The following PPCS variants were observed in gnomAD, a reference collection of about 807,000 sequenced individuals.
PPCS encodes the protein phosphopantothenoylcysteine synthetase, also known as phosphopantothenate--cysteine ligase.
In PPCS, 17 loss-of-function variants were observed where a neutral mutation model predicts 24.6. The observed-to-expected ratio is 0.69, with a 90% CI of 0.47 to 1.04. PPCS has a LOEUF of 1.04. Among genes scored for constraint, PPCS ranks in the 50% least tolerant of loss-of-function variants. The probability of loss-of-function intolerance (pLI) is 0.00; values close to 1 mark genes in which losing one functional copy is unlikely to be tolerated. For synonymous variants in PPCS, 190 were observed against 168.3 expected, an observed-to-expected ratio of 1.13 and a Z score of -1.00; for missense variants, 360 against 402.8, an observed-to-expected ratio of 0.89 and a Z score of 0.91.
downstream of PPCS, among the ~76,000 whole-genome samples, chr1:42,465,273 T>G (rs897725911): frequency 1.3e-5 from 2 of 152,192 alleles, no homozygotes; most frequent in East Asian, 3.9e-4. Flanking sequence ...ATCGCACCAC[T>G]GCGCTCCAAC....
At chr1:42,465,428 G>A (rs557925554), downstream of PPCS, among the ~76,000 whole-genome samples, 112 of 152,126 alleles carry the variant, frequency 7.4e-4, no homozygotes, top group Non-Finnish European at 1.4e-3. Flanking sequence ...GCAATGGCGC[G>A]ATCTTGGCCC....
At chr1:42,469,599 A>G (rs1374397990) in intron 2 of PPCS, among the ~76,000 whole-genome samples, 2 of 152,172 alleles carry the variant, frequency 1.3e-5, no homozygotes, top group Non-Finnish European at 2.9e-5. Context: ...GAACATACAG[A>G]AAAGAAAATG....
Position 42,456,582 on chromosome 1 carries a change from C to A in PPCS, c.17C>A (p.Pro6Gln). ...GCGCTGCAGATGGCGGAAATGGATC[C>A]GGTAGCCGAGTTCCCCCAGCCTCCC... The part of the protein sequence containing the change: MAEMD[P>Q]VAEFPQPPGA... The change falls in exon 1 of 3, where the codon CCG becomes CAG. Residue 6 changes from proline (P) to glutamine (Q), a missense_variant. Transcript: ENST00000372561. 2.0e-6 allele frequency: 3 copies of A among 1,492,344 alleles called. No homozygotes were observed. Among genetic ancestry groups the A allele is most frequent in the Non-Finnish European group, 2.7e-6 (3 of 1,122,870 alleles). The allele number at this position is 1,492,344 out of a possible 1,614,324, so 92.4% of individuals were successfully genotyped here.
At position 42,460,445 on chromosome 1, in the gene PPCS, A is replaced by G; in HGVS notation, c.*519A>G. The G allele has an allele frequency of 1.1e-6, 1 of 930,380 alleles. No individual in the cohort carries two copies. The highest frequency in any genetic ancestry group is 1.3e-6 in the Non-Finnish European group (1 of 779,340). The allele number at this position is 930,380 out of a possible 1,614,324, so 57.6% of individuals were successfully genotyped here. ...TTGTTTTGTTTGAAATTTATCAAAT[A>G]TAGTAGTAGGAAAGAAGGATACCTC... On this transcript the variant is annotated 3_prime_UTR_variant, in exon 3 of 3. Transcript: ENST00000372561.
At chr1:42,463,193 C>T (rs1173584185), downstream of PPCS, 2 of 152,248 alleles carry the variant, frequency 1.3e-5, no homozygotes, top group African/African-American at 4.8e-5. Flanking sequence ...TAACAGTCTC[C>T]ACAAGAACCA....
At chr1:42,472,485 A>G (rs1401577673) in intron 2 of PPCS, among the ~76,000 whole-genome samples, 5 of 152,256 alleles carry the variant, frequency 3.3e-5, no homozygotes, top group Non-Finnish European at 7.4e-5. Flanking sequence ...TAAATCCTGG[A>G]TAGTATAGAA....
At chr1:42,457,511 T>A in intron 2 of PPCS, 161 bp downstream of exon 2, 1 of 642,224 alleles carries the variant, frequency 1.6e-6, no homozygotes. Flanking sequence ...CACAATCTAG[T>A]GAGGGAGCTG....
intron 2 of PPCS, among the ~76,000 whole-genome samples, chr1:42,469,170 G>A (rs560609522): frequency 3.9e-5 from 6 of 152,218 alleles, no homozygotes; most frequent in Admixed American, 2.0e-4. Context: ...CTTGAGCCCC[G>A]GTGTTCAATT....
In PPCS at chr1:42,459,749, A is replaced by G. The variant is rs1643356254; in HGVS notation, c.759A>G (p.Gln253=). The G allele has an allele frequency of 6.2e-7, 1 of 1,614,234 alleles. No homozygotes were observed. The highest frequency in any genetic ancestry group is 8.5e-7 in the Non-Finnish European group (1 of 1,180,042). ...ARKALEIYQH[Q]VVVANILESR... ...AGGCTTTGGAAATTTATCAGCATCAAGTGGTGGTGGCTAATATCCTTGAGT... is the reference window on the plus strand; with the variant it reads ...AGGCTTTGGAAATTTATCAGCATCAGGTGGTGGTGGCTAATATCCTTGAGT... The change falls in exon 3 of 3, where the codon CAA becomes CAG. Residue 253 remains glutamine, a synonymous_variant. Transcript: ENST00000372561.
downstream of PPCS, chr1:42,463,664 C>T (rs758588393): frequency 3.9e-5 from 6 of 152,152 alleles, no homozygotes; most frequent in Non-Finnish European, 7.3e-5. Flanking sequence ...CGAGGTAGGT[C>T]GGCGTTCCTT....
intron 2 of PPCS, among the ~76,000 whole-genome samples, chr1:42,471,425 A>G (rs554625985): frequency 1.0e-3 from 155 of 152,254 alleles, no homozygotes; most frequent in African/African-American, 3.6e-3. Flanking sequence ...ACTTTGAGGT[A>G]TTTGCTTCCA....
downstream of PPCS, among the ~76,000 whole-genome samples, chr1:42,461,794 C>T (rs1643419891): frequency 6.6e-6 from 1 of 152,090 alleles, no homozygotes; most frequent in South Asian, 2.1e-4. Context: ...ATCTGCCCGC[C>T]CCGGCCTTCC....
Position 42,460,102 on chromosome 1 carries a change from T to C in PPCS, c.*176T>C. The C allele has an allele frequency of 7.3e-7, 1 of 1,364,278 alleles. No homozygotes were observed. Among genetic ancestry groups the C allele is most frequent in the Non-Finnish European group, 9.4e-7 (1 of 1,063,486 alleles). 84.5% of individuals were successfully genotyped at this position (1,364,278 alleles called of 1,614,324 possible). ...TTTAATGACACCTGATATGATGTCA[T>C]TTTGATTTTGAAATTGAACACTAGA... is the stretch of plus-strand genomic sequence containing the variant. On this transcript the variant is annotated 3_prime_UTR_variant, in exon 3 of 3. Coordinates refer to ENST00000372561, the MANE Select transcript of PPCS (RefSeq NM_024664.4).
rs753450689 is a variant in PPCS, at chr1:42,456,589, C to G, written c.24C>G (p.Ala8=). 1.1e-5 allele frequency: 16 copies of G among 1,500,028 alleles called. No homozygotes were observed. The African/African-American group carries it at 1.7e-4, about 16-fold the overall frequency. The allele number at this position is 1,500,028 out of a possible 1,614,324, so 92.9% of individuals were successfully genotyped here. The change falls in exon 1 of 3, where the codon GCC becomes GCG. Residue 8 remains alanine, a synonymous_variant. Transcript: ENST00000372561. MAEMDPV[A]EFPQPPGAAR... ...AGATGGCGGAAATGGATCCGGTAGCCGAGTTCCCCCAGCCTCCCGGTGCTG... is the reference window on the plus strand; with the variant it reads ...AGATGGCGGAAATGGATCCGGTAGCGGAGTTCCCCCAGCCTCCCGGTGCTG...
Position 42,456,979 on chromosome 1 carries a change from T to C in PPCS, c.414T>C (p.Ala138=), listed in dbSNP as rs752332522. ...AGGCTCTGAGGAGCTACCAGGAGGC[T>C]GCGGCTGCAGGCACCTTCCTGGCAG... is the stretch of plus-strand genomic sequence containing the variant. ...FAEALRSYQE[A]AAAGTFLAVE... The change falls in exon 1 of 3, where the codon GCT becomes GCC. Residue 138 remains alanine, a synonymous_variant. Transcript: ENST00000372561. 2 of 1,603,146 alleles carry C rather than the reference T, an allele frequency of 1.2e-6. No individual in the cohort carries two copies. Among genetic ancestry groups the C allele is most frequent in the Non-Finnish European group, 8.5e-7 (1 of 1,179,984 alleles).
At chr1:42,466,703 C>T (rs1483599945) in intron 2 of PPCS, among the ~76,000 whole-genome samples, 3 of 152,028 alleles carry the variant, frequency 2.0e-5, no homozygotes, top group African/African-American at 4.8e-5. Context: ...AGGCACCCGC[C>T]ACCATGCCCG....
Position 42,460,134 on chromosome 1 carries a change from A to G in PPCS, c.*208A>G. The G allele has an allele frequency of 7.7e-7, 1 of 1,306,850 alleles. No individual in the cohort carries two copies. The highest frequency in any genetic ancestry group is 9.7e-7 in the Non-Finnish European group (1 of 1,030,868). 81.0% of individuals were successfully genotyped at this position (1,306,850 alleles called of 1,614,324 possible). On this transcript the variant is annotated 3_prime_UTR_variant, in exon 3 of 3. Coordinates refer to ENST00000372561, the MANE Select transcript of PPCS (RefSeq NM_024664.4). ...TTTGAAATTGAACACTAGAACTGTT[A>G]ATCACCTTTAAAAAGAAGAGCTTAT...
downstream of PPCS, among the ~76,000 whole-genome samples, chr1:42,466,205 G>C (rs1376536550): frequency 6.6e-6 from 1 of 152,134 alleles, no homozygotes; most frequent in African/African-American, 2.4e-5. Flanking sequence ...TATGTACTTT[G>C]TTCCCTAGAG....
In PPCS at chr1:42,457,015, C is replaced by T. The variant is rs777758080; in HGVS notation, c.450C>T (p.Thr150=). ...AAGTFLAVEF[T]TLADYLHLLQ... ...GCACCTTCCTGGCAGTAGAGTTCAC[C>T]ACTTTGGCGGACTATTTGCATCTGT... Residue 150 remains threonine, a synonymous_variant, in exon 1 of 3, where the codon ACC becomes ACT. Coordinates refer to ENST00000372561, the MANE Select transcript of PPCS (RefSeq NM_024664.4). The T allele has an allele frequency of 6.2e-7, 1 of 1,601,950 alleles. No homozygotes were observed. Among genetic ancestry groups the T allele is most frequent in the South Asian group, 1.1e-5 (1 of 91,058 alleles).
Sources: gnomAD v4.1 joint callset for allele counts (sites outside exome capture counted in the v4.1 genomes callset) on GRCh38, gnomAD v4.1.1 for gene constraint, MANE v1.5 for transcripts, NCBI Gene and HGNC (gene_info 2026-07-23, HGNC 2026-07-21) for gene names.